Variants in LMLN observed in about 807,000 individuals in gnomAD.
The protein encoded by LMLN is leishmanolysin like peptidase, also known as leishmanolysin-like peptidase.
A neutral mutation model predicts 92.3 loss-of-function variants in LMLN; 70 were observed. That is an observed-to-expected ratio of 0.76 (90% CI 0.63 to 0.92). LMLN has a LOEUF of 0.92. Among genes scored for constraint, LMLN ranks in the 40% least tolerant of loss-of-function variants. LMLN has a pLI of 0.00. For synonymous variants in LMLN, 308 were observed against 296.2 expected (o/e 1.04, Z -0.41); for missense variants, 691 against 814.6 (o/e 0.85, Z 1.85).
chr3:197,983,196 T>C (rs1721606943), intron 6 of LMLN, among the ~76,000 whole-genome samples: 1 of 152,246 alleles, frequency 6.6e-6, no homozygotes, highest in Non-Finnish European at 1.5e-5. Context: ...TAGTCAGTTA[T>C]ACTTTGATGA....
chr3:198,002,077 A>G (rs944250823), intron 11 of LMLN, among the ~76,000 whole-genome samples: 1 of 152,242 alleles, frequency 6.6e-6, no homozygotes, highest in African/African-American at 2.4e-5. Context: ...CTAAAAATAA[A>G]TAAAAACTAA....
Position 198,019,715 on chromosome 3 carries a change from A to G in LMLN, c.1365+330A>G, listed in dbSNP as rs1722728731. ...CACAGAAAAAGAAATCTTTAAAGAA[A>G]ATAACTTAAGTACTCCAATCCAGTT... On this transcript the variant is annotated intron_variant, in intron 12 of 15. Coordinates refer to ENST00000330198, the Ensembl canonical transcript of LMLN. This position sits in a 1 kb window ranked among gnomAD's most constrained non-coding sequence, Gnocchi z 5.5. Among the ~76,000 whole-genome samples the G allele has an allele frequency of 6.6e-6, 1 of 152,236 alleles. No individual in the cohort carries two copies. The highest frequency in any genetic ancestry group is 1.5e-5 in the Non-Finnish European group (1 of 68,048).
chr3:197,993,919 TGAATG>T (rs1409542362), intron 9 of LMLN, among the ~76,000 whole-genome samples: 2 of 152,146 alleles, frequency 1.3e-5, no homozygotes, highest in African/African-American at 4.8e-5. Context: ...GGCACATTGA[TGAATG>T]GAACAGAATA....
At position 197,976,026 on chromosome 3, in the gene LMLN, T is replaced by C; in HGVS notation, c.349-3T>C. ...TTTCTTTTTTTTTTTAACTTTTATT[T>C]AGAACAAGCTTTTCCCACAAGCGAT... On this transcript the variant is annotated splice_region_variant and splice_polypyrimidine_tract_variant and intron_variant, in intron 3 of 15. Transcript: ENST00000330198. 1.9e-6 allele frequency: 3 copies of C among 1,557,368 alleles called. No homozygotes were observed. Among genetic ancestry groups the C allele is most frequent in the Non-Finnish European group, 1.8e-6 (2 of 1,142,242 alleles).
At chr3:198,032,112 AAAAAAG>A (rs1178190762) in intron 14 of LMLN, among the ~76,000 whole-genome samples, 1 of 151,850 alleles carries the variant, frequency 6.6e-6, no homozygotes, top group Non-Finnish European at 1.5e-5. Flanking sequence ...AAAAAAAAAA[AAAAAAG>A]AAAAGAAAAG....
intron 10 of LMLN, among the ~76,000 whole-genome samples, chr3:197,997,816 C>T (rs776959898): frequency 3.9e-5 from 6 of 152,200 alleles, no homozygotes; most frequent in Non-Finnish European, 7.3e-5. Context: ...ATACTTGGAT[C>T]TACCCATTTT....
chr3:197,990,812 A>AAT (rs773959762), intron 9 of LMLN, 136 bp downstream of exon 9: 9 of 541,984 alleles, frequency 1.7e-5, no homozygotes, highest in Admixed American at 2.7e-5. Context: ...AAGGGAATGC[A>AAT]ATGAAGCTAC....
At chr3:198,018,379 A>C (rs1722695493) in intron 11 of LMLN, among the ~76,000 whole-genome samples, 1 of 152,210 alleles carries the variant, frequency 6.6e-6, no homozygotes, top group African/African-American at 2.4e-5. Flanking sequence ...CCAGGCACTG[A>C]GTGCTTTGCG....
chr3:197,986,761 A>C (rs551548872), intron 8 of LMLN, among the ~76,000 whole-genome samples: 165 of 152,354 alleles, frequency 1.1e-3, no homozygotes, highest in Non-Finnish European at 1.9e-3. Context: ...AATGTTAATT[A>C]CAGAATCTAG....
At chr3:197,996,238 G>A in exon 10 of LMLN, 1 of 1,606,152 alleles carries the variant, frequency 6.2e-7, no homozygotes, top group Non-Finnish European at 8.5e-7. Context: ...AAATCAAGGT[G>A]GTGTGGGCAC....
At chr3:197,968,190 G>A (rs1282293005) in intron 1 of LMLN, among the ~76,000 whole-genome samples, 7 of 152,164 alleles carry the variant, frequency 4.6e-5, no homozygotes, top group African/African-American at 1.2e-4. Flanking sequence ...GAGTACACTG[G>A]GCGTGGTGGC....
At chr3:198,022,061 A>C (rs962222754) in intron 13 of LMLN, among the ~76,000 whole-genome samples, 1 of 152,226 alleles carries the variant, frequency 6.6e-6, no homozygotes. Context: ...AATTTGTGTC[A>C]GTGCAAGATC....
At chr3:197,964,104 G>A (rs754447301) in intron 1 of LMLN, among the ~76,000 whole-genome samples, 23 of 152,084 alleles carry the variant, frequency 1.5e-4, no homozygotes, top group Non-Finnish European at 2.9e-4. Context: ...GTAAATCAAC[G>A]TTGCTTTTTT....
chr3:198,030,201 G>A (rs961637156), intron 14 of LMLN, among the ~76,000 whole-genome samples: 6 of 152,164 alleles, frequency 3.9e-5, no homozygotes, highest in African/African-American at 1.4e-4. Context: ...AATTTCAAAT[G>A]TTAGCTGTTG....
intron 1 of LMLN, among the ~76,000 whole-genome samples, chr3:197,965,174 C>G (rs1040414230): frequency 6.6e-6 from 1 of 152,088 alleles, no homozygotes; most frequent in Non-Finnish European, 1.5e-5. Context: ...GCCACCACAC[C>G]TGGCACATTT....
Position 198,031,020 on chromosome 3 carries a change from G to A in LMLN, c.1657-4813G>A, listed in dbSNP as rs111950155. The stretch of plus-strand genomic sequence containing the variant: ...ACGCCTGCTGACAGCGTGGGAAGGC[G>A]GGACCTCACCTCTGCCCTCAGGGTC... On this transcript the variant is annotated intron_variant, in intron 14 of 15. Coordinates refer to ENST00000330198, the Ensembl canonical transcript of LMLN. This position sits in a 1 kb window ranked among gnomAD's most constrained non-coding sequence, Gnocchi z 4.8. Among the ~76,000 whole-genome samples the A allele has an allele frequency of 2.2e-4, 34 of 152,194 alleles. No homozygotes were observed. The highest frequency in any genetic ancestry group is 7.5e-4 in the African/African-American group (31 of 41,524).
chr3:197,979,894 T>C (rs1017379740), intron 5 of LMLN, among the ~76,000 whole-genome samples: 6 of 152,216 alleles, frequency 3.9e-5, no homozygotes, highest in African/African-American at 1.4e-4. Flanking sequence ...GATTGCATTA[T>C]AATAGGAAAT....
At chr3:197,964,288 T>C (rs765766463) in intron 1 of LMLN, among the ~76,000 whole-genome samples, 2 of 152,192 alleles carry the variant, frequency 1.3e-5, no homozygotes, top group Non-Finnish European at 2.9e-5. Context: ...TTCCTTCTAA[T>C]GTAAACATTC....
chr3:198,021,655 T>A, intron 13 of LMLN, 50 bp downstream of exon 14: 1 of 1,521,058 alleles, frequency 6.6e-7, no homozygotes. Context: ...AAATTATGTA[T>A]TAGCAATATA....
Sources: gnomAD v4.1 joint callset for allele counts (sites outside exome capture counted in the v4.1 genomes callset) on GRCh38, gnomAD v4.1.1 for gene constraint, Gnocchi (gnomAD v3.1) non-coding constraint, MANE v1.5 for transcripts, NCBI Gene and HGNC (gene_info 2026-07-23, HGNC 2026-07-21) for gene names.